The following POLR2F variants were observed in gnomAD, a reference collection of about 807,000 sequenced individuals.
POLR2F encodes the protein DNA-directed RNA polymerases I, II, and III subunit RPABC2.
POLR2F carries 12 observed loss-of-function variants against 22.7 expected under a neutral mutation model. That is an observed-to-expected ratio of 0.53 (90% CI 0.34 to 0.86). The LOEUF (loss-of-function observed/expected upper bound fraction) is 0.86, where lower values mean the gene tolerates loss of function less well. Among genes scored for constraint, POLR2F ranks in the 40% least tolerant of loss-of-function variants. POLR2F has a pLI of 0.02. For synonymous variants in POLR2F, 57 were observed against 66.0 expected (o/e 0.86, Z 0.66); for missense variants, 126 against 171.5 (o/e 0.73, Z 1.48).
chr22:37,957,365 G>T (rs921775660), intron 2 of POLR2F, among the ~76,000 whole-genome samples: 7 of 152,172 alleles, frequency 4.6e-5, no homozygotes, highest in African/African-American at 1.7e-4. Flanking sequence ...CTTGGACATA[G>T]GTGCTGGTAG....
At chr22:37,987,843 G>C (rs1932626581) in intron 1 of POLR2F, 1 of 158,154 alleles carries the variant, frequency 6.3e-6, no homozygotes, top group Admixed American at 6.2e-5. Flanking sequence ...GTTTCCCTGC[G>C]GGGGCCTTTC....
intron 1 of POLR2F, among the ~76,000 whole-genome samples, chr22:37,995,187 CAG>C (rs2084701895): frequency 1.3e-5 from 2 of 152,208 alleles, no homozygotes; most frequent in South Asian, 4.1e-4. Context: ...GATTTGCTGT[CAG>C]GGGCTTTAGG....
intron 1 of POLR2F, among the ~76,000 whole-genome samples, chr22:38,018,074 C>T (rs553568958): frequency 6.6e-6 from 1 of 152,318 alleles, no homozygotes; most frequent in African/African-American, 2.4e-5. Context: ...CCTTATATGA[C>T]GGAGGGCAGA....
chr22:38,016,952 G>A lies in POLR2F; in HGVS notation c.121-8917G>A, dbSNP rs1476839152. On this transcript the variant is annotated intron_variant, in intron 1 of 2. Coordinates refer to the POLR2F transcript ENST00000333418. The surrounding 1 kb of genome is among the most constrained non-coding windows in gnomAD (Gnocchi z 4.4). The stretch of plus-strand genomic sequence containing the variant: ...CGGATGTGCCGGCAGCTGGGCGGCC[G>A]GGAGAGATGGAGCCAGGCCGGGGTG... Among the ~76,000 whole-genome samples, 6 of 152,118 alleles carry A rather than the reference G, an allele frequency of 3.9e-5. No homozygotes were observed. Among genetic ancestry groups the A allele is most frequent in the South Asian group, 2.1e-4 (1 of 4,830 alleles).
At chr22:37,954,305 ATTT>A (rs764720173) in intron 1 of POLR2F, among the ~76,000 whole-genome samples, 1 of 143,918 alleles carries the variant, frequency 6.9e-6, no homozygotes, top group Non-Finnish European at 1.5e-5. Flanking sequence ...CTTTGCAGTA[ATTT>A]TTTTTTTTTT....
At chr22:37,998,728 A>T (rs906314207) in intron 1 of POLR2F, among the ~76,000 whole-genome samples, 3 of 152,038 alleles carry the variant, frequency 2.0e-5, no homozygotes, top group African/African-American at 7.2e-5. Context: ...CCGAGAGAAG[A>T]GAACAAGGGG....
At chr22:38,013,185 G>A (rs778801918) in intron 1 of POLR2F, among the ~76,000 whole-genome samples, 25 of 148,256 alleles carry the variant, frequency 1.7e-4, no homozygotes, top group Non-Finnish European at 3.3e-4. Flanking sequence ...TCTCACTGTC[G>A]TCCAGGCTGG....
rs913389429 is a variant in POLR2F, at chr22:37,953,712, C to T, written c.-76C>T. On this transcript the variant is annotated 5_prime_UTR_variant, in exon 1 of 5. Coordinates refer to ENST00000442738, the MANE Select transcript of POLR2F (RefSeq NM_021974.5). ...CAGGCGCAAGATAAGCTAGGAGCCG[C>T]GCGAGTCGTAGTGTCGCTGTTTGCG... The T allele has an allele frequency of 8.4e-6, 13 of 1,544,164 alleles. No homozygotes were observed. The African/African-American group carries it at 1.3e-4, about 16-fold the overall frequency.
In POLR2F at chr22:38,008,182, G is replaced by A. The variant is rs529941653; in HGVS notation, c.121-17687G>A. Among the ~76,000 whole-genome samples, 6 of 152,314 alleles carry A rather than the reference G, an allele frequency of 3.9e-5. No individual in the cohort carries two copies. The South Asian group carries it at 8.3e-4, about 21-fold the overall frequency. The stretch of plus-strand genomic sequence containing the variant: ...TTGAACCCAGGAGGCAGAGGTTGCA[G>A]TGAGCAGAGATTGCACCACTGCACT... On this transcript the variant is annotated intron_variant, in intron 1 of 2. Transcript: ENST00000333418.
At chr22:37,993,597 C>T (rs1932759120) in intron 1 of POLR2F, among the ~76,000 whole-genome samples, 1 of 152,188 alleles carries the variant, frequency 6.6e-6, no homozygotes, top group South Asian at 2.1e-4. Flanking sequence ...AAGGCTGGCC[C>T]TTGCCCCATT....
At chr22:38,020,522 G>A (rs903185780) in intron 1 of POLR2F, among the ~76,000 whole-genome samples, 22 of 149,664 alleles carry the variant, frequency 1.5e-4, no homozygotes, top group Admixed American at 8.8e-4. Context: ...TGCCGGCCTC[G>A]GCCTCCCAAA....
chr22:38,038,829 T>C (rs1338896664), intron 5 of POLR2F, among the ~76,000 whole-genome samples: 1 of 142,810 alleles, frequency 7.0e-6, no homozygotes, highest in African/African-American at 2.6e-5. Context: ...GCGCTGACCG[T>C]GGCGGCCGCG....
intron 3 of POLR2F, 79 bp from the exon 4 acceptor site, chr22:37,967,020 T>G: frequency 4.0e-6 from 4 of 1,006,588 alleles, no homozygotes; most frequent in Non-Finnish European, 5.9e-6. Flanking sequence ...GGGACCAGGA[T>G]GCCGTTCCAC....
At chr22:37,984,616 G>C (rs953765906), upstream of POLR2F, 8 of 152,000 alleles carry the variant, frequency 5.3e-5, no homozygotes, top group Non-Finnish European at 8.8e-5. This position sits in a 1 kb window ranked among gnomAD's most constrained non-coding sequence, Gnocchi z 4.4. Context: ...GAGGGGAGAG[G>C]AGGGAGGGAA....
downstream of POLR2F, chr22:37,972,208 A>C: frequency 7.8e-7 from 1 of 1,285,840 alleles, no homozygotes; most frequent in Non-Finnish European, 1.0e-6. Flanking sequence ...TTGATGATCT[A>C]TCCTTTGCAT....
chr22:38,010,609 T>G (rs899523107), intron 1 of POLR2F, among the ~76,000 whole-genome samples: 1 of 131,122 alleles, frequency 7.6e-6, no homozygotes, highest in Non-Finnish European at 1.6e-5. Context: ...TGTGTTTTTT[T>G]TTTTTTTTTT....
downstream of POLR2F, among the ~76,000 whole-genome samples, chr22:37,969,564 C>T (rs73415850): frequency 0.035 from 5,335 of 152,222 alleles, 304 homozygotes; most frequent in African/African-American, 0.12. Flanking sequence ...TGTCATCTTC[C>T]GGATGTGCCC....
At chr22:38,010,783 AT>A (rs1194986818) in intron 1 of POLR2F, among the ~76,000 whole-genome samples, 1 of 151,468 alleles carries the variant, frequency 6.6e-6, no homozygotes, top group African/African-American at 2.4e-5. Context: ...CGACCAGCTA[AT>A]TTTTGTATTT....
intron 1 of POLR2F, among the ~76,000 whole-genome samples, chr22:37,992,869 T>C (rs1256176905): frequency 6.6e-6 from 1 of 152,238 alleles, no homozygotes; most frequent in African/African-American, 2.4e-5. Flanking sequence ...GACTGTTTAG[T>C]CATGGAACTG....
Sources: allele counts gnomAD v4.1 joint callset (sites outside exome capture counted in the v4.1 genomes callset), GRCh38; gene constraint gnomAD v4.1.1; non-coding constraint Gnocchi (gnomAD v3.1); transcripts MANE v1.5; gene names NCBI Gene and HGNC (gene_info 2026-07-23, HGNC 2026-07-21).